The following TUB variants were observed in gnomAD, a reference collection of about 807,000 sequenced individuals.
The protein encoded by TUB is TUB bipartite transcription factor, also known as tubby protein homolog.
Under a neutral mutation model 59.7 loss-of-function variants are expected in TUB, and 33 were observed. The observed-to-expected ratio is 0.55, with a 90% CI of 0.42 to 0.74. The LOEUF (loss-of-function observed/expected upper bound fraction) is 0.74, where lower values mean the gene tolerates loss of function less well. Ranked by LOEUF, TUB falls within the 30% of genes least tolerant of loss-of-function variation. The probability of loss-of-function intolerance (pLI) is 0.00; values close to 1 mark genes in which losing one functional copy is unlikely to be tolerated. For synonymous variants in TUB, 293 were observed against 256.4 expected, an observed-to-expected ratio of 1.14 and a Z score of -1.36; for missense variants, 659 against 672.0, an observed-to-expected ratio of 0.98 and a Z score of 0.21.
intron 2 of TUB, among the ~76,000 whole-genome samples, chr11:8,048,908 CTG>C (rs1318757866): frequency 6.6e-6 from 1 of 152,126 alleles, no homozygotes; most frequent in East Asian, 1.9e-4. Flanking sequence ...ATGCCAGACT[CTG>C]TATTGTTTTA....
At chr11:8,053,735 T>C (rs908706177) in intron 2 of TUB, among the ~76,000 whole-genome samples, 2 of 149,526 alleles carry the variant, frequency 1.3e-5, no homozygotes, top group African/African-American at 4.9e-5. Context: ...TCTCCTGACC[T>C]CGCGATCCGC....
chr11:8,035,017 T>C (rs2133717897), upstream of TUB, among the ~76,000 whole-genome samples: 1 of 152,368 alleles, frequency 6.6e-6, no homozygotes, highest in Middle Eastern at 3.4e-3. Context: ...GCGTTTTCAA[T>C]GGCACTGTGC....
chr11:8,073,333 A>G (rs1943391861), intron 2 of TUB, among the ~76,000 whole-genome samples: 1 of 152,204 alleles, frequency 6.6e-6, no homozygotes. Context: ...TTTAAATTGC[A>G]TTTCAGGGAC....
chr11:8,064,463 G>A (rs1943198363), intron 2 of TUB, among the ~76,000 whole-genome samples: 1 of 152,228 alleles, frequency 6.6e-6, no homozygotes, highest in Non-Finnish European at 1.5e-5. Context: ...AGTTTACCCA[G>A]TACCTGTAAA....
Position 8,100,545 on chromosome 11 carries a change from G to A in TUB, c.1159G>A (p.Val387Met), listed in dbSNP as rs1214536528. 5.6e-6 allele frequency: 9 copies of A among 1,614,134 alleles called. No individual in the cohort carries two copies. The highest frequency in any genetic ancestry group is 4.0e-5 in the African/African-American group (3 of 75,058). Reference protein sequence around the residue: ...LGFKGPRKMSVIVPGMNMVHE... With the variant: ...LGFKGPRKMSMIVPGMNMVHE... Reference sequence around the variant, plus strand: ...CTTCAAGGGGCCTCGGAAGATGAGCGTGATTGTCCCAGGCATGAACATGGT... The same window carrying A: ...CTTCAAGGGGCCTCGGAAGATGAGCATGATTGTCCCAGGCATGAACATGGT... Residue 387 changes from valine to methionine, a missense_variant, in exon 10 of 12, where the codon GTG becomes ATG. Physicochemically the swap from Val to Met is conservative, Grantham distance 21 (BLOSUM62 1). Around this residue, in one of 3 missense-constraint regions of TUB, gnomAD observed 226 missense variants for 210.8 expected, o/e 1.07. Transcript: ENST00000299506.
chr11:8,066,302 A>G (rs1240981101), intron 2 of TUB, among the ~76,000 whole-genome samples: 1 of 152,232 alleles, frequency 6.6e-6, no homozygotes, highest in Non-Finnish European at 1.5e-5. Context: ...TACCAGAGGC[A>G]GGCAGGCAGC....
At chr11:8,074,096 G>T (rs1003642688) in intron 2 of TUB, among the ~76,000 whole-genome samples, 10 of 149,672 alleles carry the variant, frequency 6.7e-5, no homozygotes, top group South Asian at 2.1e-4. Flanking sequence ...GGTTTTTGTG[G>T]TTTTTTTTTT....
At chr11:8,092,487 G>A (rs1260645287) in intron 3 of TUB, among the ~76,000 whole-genome samples, 3 of 152,080 alleles carry the variant, frequency 2.0e-5, no homozygotes, top group African/African-American at 7.2e-5. Context: ...TACCCTCTCT[G>A]GATCTGTTTC....
chr11:8,019,411 C>G, intron 1 of TUB: 1 of 1,228,924 alleles, frequency 8.1e-7, no homozygotes, highest in Non-Finnish European at 1.0e-6. Flanking sequence ...CCTCGATCTC[C>G]TGCGGGAGAA....
upstream of TUB, among the ~76,000 whole-genome samples, chr11:8,034,701 C>G (rs946643253): frequency 6.6e-6 from 1 of 152,200 alleles, no homozygotes; most frequent in Non-Finnish European, 1.5e-5. Context: ...TCTGCCATTC[C>G]TGCTCCCAGT....
chr11:8,042,259 T>C (rs1942763825), intron 2 of TUB, among the ~76,000 whole-genome samples: 1 of 152,210 alleles, frequency 6.6e-6, no homozygotes, highest in African/African-American at 2.4e-5. Context: ...CTTCTTTCCT[T>C]AGTATAATAT....
At chr11:8,060,580 G>C (rs1360695115) in intron 2 of TUB, among the ~76,000 whole-genome samples, 1 of 152,128 alleles carries the variant, frequency 6.6e-6, no homozygotes, top group East Asian at 1.9e-4. Context: ...ATGACATTTG[G>C]AGCCCCAGGG....
intron 2 of TUB, among the ~76,000 whole-genome samples, chr11:8,074,839 C>T (rs948313519): frequency 2.1e-5 from 3 of 142,426 alleles, no homozygotes; most frequent in African/African-American, 5.2e-5. Context: ...CTCCGCCTCC[C>T]GGGTTCAAGT....
intron 2 of TUB, among the ~76,000 whole-genome samples, chr11:8,057,111 G>T (rs1943032723): frequency 6.6e-6 from 1 of 152,076 alleles, no homozygotes. Context: ...TGGCCCTCTG[G>T]GTAATGGCAG....
At chr11:8,049,578 T>TAG (rs1554923443) in intron 2 of TUB, among the ~76,000 whole-genome samples, 74 of 85,926 alleles carry the variant, frequency 8.6e-4, no homozygotes, top group African/African-American at 2.0e-3. Flanking sequence ...TATATATATA[T>TAG]ATAGATAGAT....
upstream of TUB, among the ~76,000 whole-genome samples, chr11:8,079,673 G>GGTGTGTGTGTGC (rs71059150): frequency 6.7e-6 from 1 of 149,358 alleles, no homozygotes; most frequent in Non-Finnish European, 1.5e-5. Context: ...CATGTGTGTA[G>GGTGTGTGTGTGC]GTGTGTGTAG....
chr11:8,032,765 T>C lies in TUB; in HGVS notation c.56+13407T>C, dbSNP rs538918363. On this transcript the variant is annotated intron_variant, in intron 1 of 11. Transcript: ENST00000534099. ...CCATTCACCTCACATCTGGTCACTA[T>C]TCCTTCCTCTGGCAAGAGAGGAAAT... Among the ~76,000 whole-genome samples, 26 of 152,310 alleles carry C rather than the reference T, an allele frequency of 1.7e-4. No individual in the cohort carries two copies. The South Asian group carries it at 5.2e-3, about 30-fold the overall frequency.
At chr11:8,051,557 C>A (rs1006683553) in intron 2 of TUB, among the ~76,000 whole-genome samples, 7 of 152,176 alleles carry the variant, frequency 4.6e-5, no homozygotes, top group African/African-American at 1.7e-4. Context: ...TTGATACATT[C>A]ATATTATCAC....
At chr11:8,034,868 A>G (rs1405874099), upstream of TUB, among the ~76,000 whole-genome samples, 4 of 152,194 alleles carry the variant, frequency 2.6e-5, no homozygotes, top group African/African-American at 7.2e-5. Flanking sequence ...GTCCATGTGC[A>G]TGCTAGGCAC....
Sources: allele counts gnomAD v4.1 joint callset (sites outside exome capture counted in the v4.1 genomes callset), GRCh38; gene constraint gnomAD v4.1.1; regional missense constraint gnomAD v4.1.1; transcripts MANE v1.5; gene names NCBI Gene and HGNC (gene_info 2026-07-23, HGNC 2026-07-21).